The following RPS6KC1 variants were observed in gnomAD, a reference collection of about 807,000 sequenced individuals.
RPS6KC1 encodes the protein inactive ribosomal protein S6 kinase delta-1.
A neutral mutation model predicts 103.8 loss-of-function variants in RPS6KC1; 54 were observed. The observed-to-expected ratio is 0.52, with a 90% CI of 0.42 to 0.65. RPS6KC1 has a LOEUF of 0.65. Among genes scored for constraint, RPS6KC1 ranks in the 30% least tolerant of loss-of-function variants. The probability of loss-of-function intolerance (pLI) is 0.00; values close to 1 mark genes in which losing one functional copy is unlikely to be tolerated. For synonymous variants in RPS6KC1, 439 were observed against 438.7 expected (o/e 1.00, Z -0.01); for missense variants, 1,151 against 1,253.8 (o/e 0.92, Z 1.24).
chr1:213,056,810 T>C (rs1023280464), intron 1 of RPS6KC1, among the ~76,000 whole-genome samples: 1 of 152,010 alleles, frequency 6.6e-6, no homozygotes, highest in African/African-American at 2.4e-5. Context: ...GTCTTGGCAA[T>C]CTCTGCTCAT....
At chr1:213,219,708 A>G (rs987168851) in intron 8 of RPS6KC1, among the ~76,000 whole-genome samples, 1 of 152,180 alleles carries the variant, frequency 6.6e-6, no homozygotes, top group Non-Finnish European at 1.5e-5. Context: ...TGTCCTTTGT[A>G]GGGACATGGA....
the RPS6KC1 span, among the ~76,000 whole-genome samples, chr1:213,812,240 A>G: frequency 6.6e-6 from 1 of 152,172 alleles, no homozygotes. Context: ...AAGGAAGGAA[A>G]GAAGGAAGGA....
the RPS6KC1 span, among the ~76,000 whole-genome samples, chr1:213,766,982 A>G: frequency 6.6e-6 from 1 of 151,936 alleles, no homozygotes; most frequent in African/African-American, 2.4e-5. Flanking sequence ...TCACCTTTTC[A>G]TAGCTCCTCA....
chr1:213,734,229 T>C, the RPS6KC1 span, among the ~76,000 whole-genome samples: 11 of 152,232 alleles, frequency 7.2e-5, no homozygotes, highest in Admixed American at 3.9e-4. Flanking sequence ...TCTGGGTCTA[T>C]GGCTCCACTT....
chr1:213,294,428 T>A, the RPS6KC1 span, among the ~76,000 whole-genome samples: 3 of 152,214 alleles, frequency 2.0e-5, no homozygotes, highest in Non-Finnish European at 2.9e-5. Context: ...ACATAACTGA[T>A]GTCAGTTGCA....
chr1:213,854,542 TTC>T, the RPS6KC1 span, among the ~76,000 whole-genome samples: 23 of 105,122 alleles, frequency 2.2e-4, no homozygotes, highest in Non-Finnish European at 2.9e-4. Flanking sequence ...CTTTCTTTCT[TTC>T]TTTCTTTCTT....
At chr1:213,811,175 G>T in the RPS6KC1 span, among the ~76,000 whole-genome samples, 3 of 152,176 alleles carry the variant, frequency 2.0e-5, no homozygotes, top group Non-Finnish European at 4.4e-5. Flanking sequence ...TTGCTCTTTT[G>T]CTAGAATGAG....
chr1:213,389,346 G>A, the RPS6KC1 span, among the ~76,000 whole-genome samples: 1 of 152,162 alleles, frequency 6.6e-6, no homozygotes, highest in African/African-American at 2.4e-5. Flanking sequence ...TGCAGAGATC[G>A]ACAGGACGGT....
chr1:213,357,524 G>A, the RPS6KC1 span, among the ~76,000 whole-genome samples: 1 of 152,172 alleles, frequency 6.6e-6, no homozygotes, highest in African/African-American at 2.4e-5. Flanking sequence ...TTATTTGGTG[G>A]GTGAAACATC....
chr1:213,117,772 C>A (rs961072858), intron 5 of RPS6KC1, among the ~76,000 whole-genome samples: 2 of 151,696 alleles, frequency 1.3e-5, no homozygotes, highest in Non-Finnish European at 2.9e-5. Flanking sequence ...CCTGTAATCC[C>A]TGCACTTTGG....
intron 5 of RPS6KC1, among the ~76,000 whole-genome samples, chr1:213,123,446 C>CT (rs1379591004): frequency 6.6e-6 from 1 of 151,926 alleles, no homozygotes; most frequent in Non-Finnish European, 1.5e-5. Context: ...TTCTGAGGCT[C>CT]TTTTTGTACA....
chr1:213,616,474 G>A, the RPS6KC1 span, among the ~76,000 whole-genome samples: 1 of 152,146 alleles, frequency 6.6e-6, no homozygotes, highest in Admixed American at 6.5e-5. Flanking sequence ...GAAGTTGCTG[G>A]AGACCCTTGA....
At chr1:213,636,162 A>C in the RPS6KC1 span, among the ~76,000 whole-genome samples, 1 of 152,240 alleles carries the variant, frequency 6.6e-6, no homozygotes, top group Non-Finnish European at 1.5e-5. Context: ...ATGGATAGGA[A>C]GAATCAATAT....
At chr1:213,437,190 A>G in the RPS6KC1 span, among the ~76,000 whole-genome samples, 23 of 152,224 alleles carry the variant, frequency 1.5e-4, no homozygotes, top group Admixed American at 1.4e-3. Flanking sequence ...AAATTTCTAG[A>G]TTGCAAAGAA....
At chr1:213,557,233 C>T in the RPS6KC1 span, among the ~76,000 whole-genome samples, 1 of 152,206 alleles carries the variant, frequency 6.6e-6, no homozygotes, top group South Asian at 2.1e-4. Flanking sequence ...TCATACCTCT[C>T]CACCCCCACT....
chr1:213,786,361 C>T, the RPS6KC1 span, among the ~76,000 whole-genome samples: 1 of 152,154 alleles, frequency 6.6e-6, no homozygotes, highest in Non-Finnish European at 1.5e-5. Flanking sequence ...TAGTTGTTCC[C>T]CATTGTTAAT....
At chr1:213,279,925 T>C in the RPS6KC1 span, among the ~76,000 whole-genome samples, 1 of 152,230 alleles carries the variant, frequency 6.6e-6, no homozygotes, top group Admixed American at 6.5e-5. Flanking sequence ...GCCACAGCGG[T>C]CTGTGTTTTA....
At chr1:213,641,561 T>C in the RPS6KC1 span, among the ~76,000 whole-genome samples, 139 of 152,108 alleles carry the variant, frequency 9.1e-4, no homozygotes, top group African/African-American at 2.7e-3. Context: ...GGGACCTGGG[T>C]AAAGGTCTAC....
At chr1:213,691,250 G>A in the RPS6KC1 span, among the ~76,000 whole-genome samples, 3 of 152,136 alleles carry the variant, frequency 2.0e-5, no homozygotes, top group African/African-American at 7.2e-5. Context: ...CCCCAATCAG[G>A]ACAGCACAAA....
Sources: allele counts gnomAD v4.1 joint callset (sites outside exome capture counted in the v4.1 genomes callset), GRCh38; gene constraint gnomAD v4.1.1; transcripts MANE v1.5; gene names NCBI Gene and HGNC (gene_info 2026-07-23, HGNC 2026-07-21).